SRPK2: variants seen among roughly 807,000 people sequenced by gnomAD.
SRPK2 encodes the protein SFRS protein kinase 2.
In SRPK2, 21 loss-of-function variants were observed where a neutral mutation model predicts 90.8. The ratio of observed to expected loss-of-function variants is 0.23; its 90% CI spans 0.16 to 0.33. The LOEUF (loss-of-function observed/expected upper bound fraction) is 0.33, where lower values mean the gene tolerates loss of function less well. SRPK2 is among the 10% of genes least tolerant of loss of function. The pLI, the probability that SRPK2 is intolerant of heterozygous loss-of-function variation, is 1.00. For synonymous variants in SRPK2, 288 were observed against 311.1 expected (o/e 0.93, Z 0.78); for missense variants, 620 against 869.0 (o/e 0.71, Z 3.60).
intron 2 of SRPK2, chr7:105,297,555 G>A (rs986464142): frequency 1.5e-5 from 14 of 948,154 alleles, no homozygotes; most frequent in African/African-American, 7.1e-5. Context: ...AAGGCACACC[G>A]TTTACCATTT....
intron 2 of SRPK2, among the ~76,000 whole-genome samples, chr7:105,380,555 G>T (rs1264135082): frequency 8.3e-4 from 103 of 124,224 alleles, no homozygotes; most frequent in African/African-American, 3.1e-3. Context: ...ATGGAGTCTC[G>T]CTCTGTCGCC....
chr7:105,277,496 AACTG>A (rs796185922), intron 2 of SRPK2, among the ~76,000 whole-genome samples: 126 of 152,340 alleles, frequency 8.3e-4, no homozygotes, highest in African/African-American at 2.9e-3. Flanking sequence ...CCTGATTCAA[AACTG>A]ACTGACTCAT....
chr7:105,183,466 GTTTT>G (rs756098443), intron 3 of SRPK2, among the ~76,000 whole-genome samples: 15 of 151,660 alleles, frequency 9.9e-5, no homozygotes, highest in Non-Finnish European at 1.8e-4. Context: ...TGGCTAGCGG[GTTTT>G]TTTTGTTTGT....
chr7:105,171,574 C>A (rs1791155986), intron 3 of SRPK2, among the ~76,000 whole-genome samples: 1 of 152,196 alleles, frequency 6.6e-6, no homozygotes, highest in Non-Finnish European at 1.5e-5. Flanking sequence ...CTAACCAGAT[C>A]CTTCAATATA....
chr7:105,212,906 T>C (rs2129613016), intron 2 of SRPK2, among the ~76,000 whole-genome samples: 1 of 152,306 alleles, frequency 6.6e-6, no homozygotes, highest in South Asian at 2.1e-4. Flanking sequence ...GACTCTTTTT[T>C]TGGTCATTAT....
chr7:105,150,362 C>T (rs934573703), intron 7 of SRPK2, among the ~76,000 whole-genome samples: 9 of 152,024 alleles, frequency 5.9e-5, no homozygotes, highest in African/African-American at 2.2e-4. Context: ...CTACTAAAAA[C>T]ACAAAAAAAC....
intron 2 of SRPK2, among the ~76,000 whole-genome samples, chr7:105,343,801 C>T (rs1475674726): frequency 2.6e-5 from 4 of 151,758 alleles, no homozygotes; most frequent in South Asian, 2.1e-4. Context: ...TTGCTCTTGT[C>T]GCCCAGGCTG....
rs1459791096 is a variant in SRPK2, at chr7:105,346,742, C to T, written c.71+41906G>A. 3.3e-5 allele frequency among the ~76,000 whole-genome samples: 5 copies of T among 151,182 alleles called. 2 individuals carry two copies. The highest frequency in any genetic ancestry group is 4.2e-4 in the South Asian group (2 of 4,790). ...CACTGCACTCTAGCCTGGGTGACAG[C>T]GCAAGACTCCATCTCAAAAAAAACA... On this transcript the variant is annotated intron_variant, in intron 2 of 15. Coordinates refer to ENST00000393651, the MANE Select transcript of SRPK2 (RefSeq NM_182692.3).
At chr7:105,213,020 G>A (rs1489679161) in intron 2 of SRPK2, among the ~76,000 whole-genome samples, 2 of 152,168 alleles carry the variant, frequency 1.3e-5, no homozygotes, top group African/African-American at 4.8e-5. Flanking sequence ...GTGCACAGGT[G>A]ACATGCAAAT....
chr7:105,142,168 G>C lies in SRPK2; in HGVS notation c.1383C>G (p.Phe461Leu), dbSNP rs1803874544. The C allele has an allele frequency of 1.9e-6, 3 of 1,614,194 alleles. No homozygotes were observed. In the South Asian group the frequency reaches 3.3e-5, roughly 18 times the overall value. The change falls in exon 11 of 16, where the codon TTC (phenylalanine) becomes TTG (leucine). Residue 461 changes from phenylalanine to leucine, a missense_variant. Physicochemically the swap from Phe to Leu is conservative, Grantham distance 22 (BLOSUM62 0). Around this residue, in one of 8 missense-constraint regions of SRPK2, gnomAD observed 243 missense variants for 245.7 expected, o/e 0.99. Coordinates refer to ENST00000393651, the MANE Select transcript of SRPK2 (RefSeq NM_182692.3). Reference protein sequence around the residue: ...NGRHKIPESQFPEFSTSLFSG... With the variant: ...NGRHKIPESQLPEFSTSLFSG... Reference sequence around the variant, plus strand: ...AGAACAACGAGGTGGAAAACTCTGGGAACTGTGACTCGGGAATTTTATGTC... The same window carrying C: ...AGAACAACGAGGTGGAAAACTCTGGCAACTGTGACTCGGGAATTTTATGTC...
chr7:105,192,654 A>C (rs1373739495), intron 3 of SRPK2, among the ~76,000 whole-genome samples: 1 of 152,206 alleles, frequency 6.6e-6, no homozygotes, highest in Non-Finnish European at 1.5e-5. Flanking sequence ...ACTACTGTAC[A>C]TTCCCACCAG....
At chr7:105,256,913 A>ACC in intron 2 of SRPK2, among the ~76,000 whole-genome samples, 1 of 152,208 alleles carries the variant, frequency 6.6e-6, no homozygotes, top group African/African-American at 2.4e-5. Flanking sequence ...CTCATCTTTT[A>ACC]AAGTAAGTTT....
intron 2 of SRPK2, among the ~76,000 whole-genome samples, chr7:105,373,286 A>C (rs1223022582): frequency 6.6e-6 from 1 of 152,124 alleles, no homozygotes; most frequent in African/African-American, 2.4e-5. Context: ...AACGATAAAC[A>C]AACGTAATAA....
chr7:105,353,415 C>T (rs187355125), intron 2 of SRPK2, among the ~76,000 whole-genome samples: 187 of 152,244 alleles, frequency 1.2e-3, no homozygotes, highest in Middle Eastern at 3.4e-3. Flanking sequence ...TCATGGCTCA[C>T]TGCAGCCTTG....
At chr7:105,393,288 G>A (rs984195269), upstream of SRPK2, among the ~76,000 whole-genome samples, 15 of 148,174 alleles carry the variant, frequency 1.0e-4, no homozygotes, top group Non-Finnish European at 8.8e-5. Flanking sequence ...GAGCCACCGC[G>A]TCCAGCCTAA....
At chr7:105,234,656 T>G (rs999701521) in intron 2 of SRPK2, among the ~76,000 whole-genome samples, 1 of 152,178 alleles carries the variant, frequency 6.6e-6, no homozygotes, top group Non-Finnish European at 1.5e-5. Flanking sequence ...CCCAGGATCT[T>G]AAGCACTTAG....
At chr7:105,365,296 C>G (rs1394131465) in intron 2 of SRPK2, among the ~76,000 whole-genome samples, 1 of 151,600 alleles carries the variant, frequency 6.6e-6, no homozygotes, top group Non-Finnish European at 1.5e-5. Context: ...ACCAGCCCGG[C>G]CAATATTGTG....
chr7:105,369,958 C>G (rs1819515207), intron 2 of SRPK2, among the ~76,000 whole-genome samples: 1 of 152,094 alleles, frequency 6.6e-6, no homozygotes, highest in African/African-American at 2.4e-5. Context: ...ACCCGGGAAG[C>G]AGAGGTTGCA....
intron 2 of SRPK2, among the ~76,000 whole-genome samples, chr7:105,253,438 G>A (rs1802766339): frequency 6.6e-6 from 1 of 152,128 alleles, no homozygotes; most frequent in African/African-American, 2.4e-5. Context: ...ATGGCTCTTG[G>A]TAAACATCAG....
Sources: gnomAD v4.1 joint callset for allele counts (sites outside exome capture counted in the v4.1 genomes callset) on GRCh38, gnomAD v4.1.1 for gene constraint, gnomAD v4.1.1 regional missense constraint, MANE v1.5 for transcripts, NCBI Gene and HGNC (gene_info 2026-07-23, HGNC 2026-07-21) for gene names.